The following CMIP variants were observed in gnomAD, a reference collection of about 807,000 sequenced individuals.
CMIP encodes c-Maf inducing protein, also known as C-Maf-inducing protein.
CMIP carries 13 observed loss-of-function variants against 97.3 expected under a neutral mutation model. That is an observed-to-expected ratio of 0.13 (90% CI 0.09 to 0.21). The LOEUF (loss-of-function observed/expected upper bound fraction) is 0.21, where lower values mean the gene tolerates loss of function less well. Ranked by LOEUF, CMIP falls within the 10% of genes least tolerant of loss-of-function variation. CMIP has a pLI of 1.00. For missense variants in CMIP, 847 were observed against 1,024.9 expected, an observed-to-expected ratio of 0.83 and a Z score of 2.37; for synonymous variants, 538 against 436.3, an observed-to-expected ratio of 1.23 and a Z score of -2.91.
At chr16:81,674,542 T>C (rs1733699271) in intron 9 of CMIP, among the ~76,000 whole-genome samples, 1 of 152,208 alleles carries the variant, frequency 6.6e-6, no homozygotes, top group South Asian at 2.1e-4. Context: ...TTGAAGTAGC[T>C]GTGGTGAGTA....
intron 1 of CMIP, among the ~76,000 whole-genome samples, chr16:81,568,496 ACT>A: frequency 6.6e-6 from 1 of 151,882 alleles, no homozygotes; most frequent in African/African-American, 2.4e-5. Context: ...GGAGTGAGTC[ACT>A]CTCTCTCTGT....
chr16:81,670,516 G>A (rs977664199), intron 8 of CMIP, among the ~76,000 whole-genome samples: 4 of 151,232 alleles, frequency 2.6e-5, no homozygotes, highest in East Asian at 2.0e-4. Context: ...GAGCGTCATC[G>A]TCGGGTGCTT....
At chr16:81,482,525 T>C (rs1317565122) in intron 1 of CMIP, among the ~76,000 whole-genome samples, 1 of 152,100 alleles carries the variant, frequency 6.6e-6, no homozygotes, top group Non-Finnish European at 1.5e-5. Flanking sequence ...GTTGGTCACC[T>C]GCTAAGTAGC....
At chr16:81,533,424 A>G (rs1327477419) in intron 1 of CMIP, among the ~76,000 whole-genome samples, 2 of 152,198 alleles carry the variant, frequency 1.3e-5, no homozygotes, top group Non-Finnish European at 2.9e-5. Context: ...ATGGTAGCTA[A>G]GGTTATGTGC....
chr16:81,613,604 A>G (rs1021360414), intron 2 of CMIP, among the ~76,000 whole-genome samples: 2 of 152,228 alleles, frequency 1.3e-5, no homozygotes, highest in Non-Finnish European at 2.9e-5. Context: ...TAAAATACTT[A>G]GCACTGTGCC....
chr16:81,641,266 A>T (rs773682758), intron 3 of CMIP, among the ~76,000 whole-genome samples: 3 of 151,816 alleles, frequency 2.0e-5, no homozygotes, highest in Non-Finnish European at 4.4e-5. Context: ...TGCCATTTTC[A>T]TTCTCCCCAC....
chr16:81,525,778 C>G (rs1399672277), intron 1 of CMIP, among the ~76,000 whole-genome samples: 1 of 152,210 alleles, frequency 6.6e-6, no homozygotes, highest in Non-Finnish European at 1.5e-5. Context: ...CACATTCTGC[C>G]TACTCCCGAC....
At chr16:81,657,544 C>G (rs192700939) in intron 4 of CMIP, among the ~76,000 whole-genome samples, 43 of 152,240 alleles carry the variant, frequency 2.8e-4, no homozygotes, top group African/African-American at 1.0e-3. Context: ...ACTCAAGCCC[C>G]GAAACAGGGA....
intron 2 of CMIP, among the ~76,000 whole-genome samples, chr16:81,609,235 C>G (rs555943492): frequency 6.7e-6 from 1 of 148,906 alleles, no homozygotes; most frequent in South Asian, 2.2e-4. Context: ...TTTCTCTCCT[C>G]TCATCTTTAT....
At chr16:81,578,134 A>G (rs2091232511) in intron 1 of CMIP, among the ~76,000 whole-genome samples, 1 of 151,760 alleles carries the variant, frequency 6.6e-6, no homozygotes, top group African/African-American at 2.4e-5. Context: ...CACCATCACC[A>G]TCATCACCAT....
chr16:81,493,686 C>G (rs996395059), intron 1 of CMIP, among the ~76,000 whole-genome samples: 5 of 152,348 alleles, frequency 3.3e-5, no homozygotes, highest in Admixed American at 2.6e-4. Context: ...TAAACACCAA[C>G]AGTAATAACA....
At chr16:81,681,032 C>T (rs1431120006) in intron 10 of CMIP, among the ~76,000 whole-genome samples, 2 of 152,236 alleles carry the variant, frequency 1.3e-5, no homozygotes, top group Admixed American at 6.5e-5. Context: ...CCGCATCACC[C>T]AGCTGCCAGG....
chr16:81,676,517 A>G (rs1325268958), intron 9 of CMIP, among the ~76,000 whole-genome samples: 1 of 152,178 alleles, frequency 6.6e-6, no homozygotes, highest in Non-Finnish European at 1.5e-5. Flanking sequence ...GCAAACAAAG[A>G]GAAATGCAGT....
intron 1 of CMIP, among the ~76,000 whole-genome samples, chr16:81,597,069 G>A (rs764411564): frequency 6.6e-6 from 1 of 152,170 alleles, no homozygotes; most frequent in Non-Finnish European, 1.5e-5. Context: ...ATGGTCATTT[G>A]GGTAGTTTCT....
At chr16:81,575,864 C>T (rs1567589056) in intron 1 of CMIP, among the ~76,000 whole-genome samples, 1 of 152,170 alleles carries the variant, frequency 6.6e-6, no homozygotes, top group African/African-American at 2.4e-5. Context: ...GGTTCTGGCT[C>T]TAAGTGTGGC....
At chr16:81,670,915 G>A (rs754375687) in intron 8 of CMIP, among the ~76,000 whole-genome samples, 3 of 152,048 alleles carry the variant, frequency 2.0e-5, no homozygotes, top group African/African-American at 4.8e-5. Context: ...TGCAACCTCC[G>A]GCTCCCGGGT....
chr16:81,702,235 G>A (rs76460316), intron 16 of CMIP, among the ~76,000 whole-genome samples: 12,958 of 152,218 alleles, frequency 0.085, 618 homozygotes, highest in East Asian at 0.16. Flanking sequence ...CCCTTCTGGG[G>A]AGAGTGTGTA....
chr16:81,580,552 G>T (rs1413916998), intron 1 of CMIP, among the ~76,000 whole-genome samples: 1 of 151,462 alleles, frequency 6.6e-6, no homozygotes, highest in African/African-American at 2.4e-5. Flanking sequence ...TTGTGCCTCA[G>T]CCTCCCAAGT....
intron 3 of CMIP, among the ~76,000 whole-genome samples, chr16:81,640,770 G>GTGTGTGTGTGTGTGTGTGTGTGTCTC (rs376370488): frequency 7.4e-5 from 10 of 135,720 alleles, no homozygotes; most frequent in African/African-American, 2.0e-4. Flanking sequence ...GTGTGTGTGT[G>GTGTGTGTGTGTGTGTGTGTGTGTCTC]TCTCTCTCTC....
Sources: gnomAD v4.1 joint callset for allele counts (sites outside exome capture counted in the v4.1 genomes callset) on GRCh38, gnomAD v4.1.1 for gene constraint, MANE v1.5 for transcripts, NCBI Gene and HGNC (gene_info 2026-07-23, HGNC 2026-07-21) for gene names.